The following THRB variants were observed in gnomAD, a reference collection of about 807,000 sequenced individuals.
THRB encodes the protein nuclear receptor subfamily 1 group A member 2.
A neutral mutation model predicts 47.8 loss-of-function variants in THRB; 12 were observed. The observed-to-expected ratio is 0.25, with a 90% CI of 0.16 to 0.41. The LOEUF is 0.41. Among genes scored for constraint, THRB ranks in the 10% least tolerant of loss-of-function variants. THRB has a pLI of 1.00. For missense variants in THRB, 348 were observed against 589.2 expected, an observed-to-expected ratio of 0.59 and a Z score of 4.24; for synonymous variants, 218 against 212.2, an observed-to-expected ratio of 1.03 and a Z score of -0.24.
At chr3:24,226,071 A>G (rs567872305) in intron 4 of THRB, among the ~76,000 whole-genome samples, 12 of 152,336 alleles carry the variant, frequency 7.9e-5, no homozygotes, top group African/African-American at 2.9e-4. Context: ...TACAAAAAAC[A>G]TGCCTCATTT....
At chr3:24,286,010 GTGAAGA>G (rs1451888125) in intron 3 of THRB, among the ~76,000 whole-genome samples, 1 of 152,166 alleles carries the variant, frequency 6.6e-6, no homozygotes, top group South Asian at 2.1e-4. Flanking sequence ...GTGCCCTTAT[GTGAAGA>G]TGAAGATGGA....
At chr3:24,441,894 G>GA (rs144295951) in intron 1 of THRB, among the ~76,000 whole-genome samples, 3,982 of 151,986 alleles carry the variant, frequency 0.026, 180 homozygotes, top group African/African-American at 0.09. Flanking sequence ...GCTCCCCCAA[G>GA]AAAAAAATCT....
chr3:24,456,800 A>G (rs1475368843), intron 1 of THRB, among the ~76,000 whole-genome samples: 1 of 152,032 alleles, frequency 6.6e-6, no homozygotes, highest in East Asian at 1.9e-4. Context: ...ACTTACTAAT[A>G]ATTCTCTTTC....
chr3:24,213,837 A>T (rs2046303098), intron 4 of THRB, among the ~76,000 whole-genome samples: 1 of 152,188 alleles, frequency 6.6e-6, no homozygotes, highest in Non-Finnish European at 1.5e-5. Context: ...GGGAATGTGA[A>T]ATGTGTCCTC....
chr3:24,190,579 C>T (rs754653335), intron 4 of THRB, among the ~76,000 whole-genome samples: 1 of 152,070 alleles, frequency 6.6e-6, no homozygotes, highest in Non-Finnish European at 1.5e-5. Flanking sequence ...GACATTAGTT[C>T]CTGCATGGCA....
intron 1 of THRB, among the ~76,000 whole-genome samples, chr3:24,376,871 C>A (rs1577187221): frequency 6.6e-6 from 1 of 152,144 alleles, no homozygotes. Flanking sequence ...AAAATTACTA[C>A]ATATGTGATC....
intron 1 of THRB, among the ~76,000 whole-genome samples, chr3:24,493,714 T>C (rs924204497): frequency 3.9e-5 from 6 of 152,338 alleles, no homozygotes; most frequent in South Asian, 4.1e-4. Flanking sequence ...TCTAGATCCT[T>C]CTTTTAAAAT....
chr3:24,338,474 G>A (rs897317322), intron 1 of THRB, among the ~76,000 whole-genome samples: 5 of 152,164 alleles, frequency 3.3e-5, no homozygotes, highest in Admixed American at 6.5e-5. Context: ...ATGGATGTGG[G>A]CTTGAACCAC....
intron 4 of THRB, among the ~76,000 whole-genome samples, chr3:24,211,392 C>T (rs1471507409): frequency 6.6e-6 from 1 of 152,150 alleles, no homozygotes; most frequent in African/African-American, 2.4e-5. Flanking sequence ...AGGAAACTTC[C>T]TGTTCCCTCA....
chr3:24,273,917 G>A (rs1050594442), intron 3 of THRB, among the ~76,000 whole-genome samples: 2 of 151,590 alleles, frequency 1.3e-5, no homozygotes, highest in African/African-American at 4.9e-5. Flanking sequence ...TTCTCAGAAA[G>A]GCCTATCCTT....
chr3:24,212,287 A>G (rs572201836), intron 4 of THRB, among the ~76,000 whole-genome samples: 2 of 152,246 alleles, frequency 1.3e-5, no homozygotes, highest in South Asian at 4.1e-4. Flanking sequence ...AATCCTAGCT[A>G]CTTGGGAGGC....
At position 24,122,958 on chromosome 3, in the gene THRB, G is replaced by A. The variant is rs367757240; in HGVS notation, c.1312C>T (p.Arg438Cys). 4 of 1,614,070 alleles carry A rather than the reference G, an allele frequency of 2.5e-6. No individual in the cohort carries two copies. Among genetic ancestry groups the A allele is most frequent in the Non-Finnish European group, 3.4e-6 (4 of 1,180,052 alleles). Reference protein sequence around the residue: ...LRMIGACHASRFLHMKVECPT... With the variant: ...LRMIGACHASCFLHMKVECPT... ...CATTCCACCTTCATGTGCAGGAAGC[G>A]GCTGGCATGGCAGGCTCCTATCATC... Residue 438 changes from arginine (R) to cysteine (C), a missense_variant, in exon 11 of 11, where the codon CGC (arginine) becomes TGC (cysteine). By Grantham distance (180) the Arg-to-Cys change is radical (BLOSUM62 -3). Coordinates refer to ENST00000646209, the MANE Select transcript of THRB (RefSeq NM_001354712.2).
chr3:24,241,403 C>A (rs905869618), intron 3 of THRB, among the ~76,000 whole-genome samples: 19 of 152,184 alleles, frequency 1.2e-4, no homozygotes, highest in African/African-American at 4.3e-4. Flanking sequence ...AGACAGGTCA[C>A]CCTACTGTCC....
intron 3 of THRB, among the ~76,000 whole-genome samples, chr3:24,239,096 C>A (rs1038136030): frequency 1.3e-5 from 2 of 152,120 alleles, no homozygotes; most frequent in African/African-American, 4.8e-5. Flanking sequence ...CACAAGCCAC[C>A]ATGCCTGGCT....
chr3:24,205,828 A>C (rs1376913724), intron 4 of THRB, among the ~76,000 whole-genome samples: 1 of 152,218 alleles, frequency 6.6e-6, no homozygotes, highest in Non-Finnish European at 1.5e-5. Context: ...AATGGAAAAC[A>C]AAAAAAGGCA....
rs551631604 is a variant in THRB at position 24,364,224 on chromosome 3, G to A, written c.-260-26853C>T. On this transcript the variant is annotated intron_variant, in intron 1 of 10. Coordinates refer to ENST00000646209, the MANE Select transcript of THRB (RefSeq NM_001354712.2). ...GGGTAGCTTTGGAAATGGCATCAGAGGAGCATGAGCAAAATGTAAACAGAG... is the reference window on the plus strand; with the variant it reads ...GGGTAGCTTTGGAAATGGCATCAGAAGAGCATGAGCAAAATGTAAACAGAG... 3.9e-5 allele frequency among the ~76,000 whole-genome samples: 6 copies of A among 152,232 alleles called. No homozygotes were observed. The South Asian group carries it at 1.2e-3, about 32-fold the overall frequency.
intron 9 of THRB, among the ~76,000 whole-genome samples, chr3:24,128,341 G>C (rs1246040975): frequency 2.6e-5 from 4 of 152,184 alleles, no homozygotes; most frequent in South Asian, 2.1e-4. Flanking sequence ...TGAAGGCAGA[G>C]GGGAGAGCAG....
chr3:24,463,720 T>TA (rs1370626654), intron 1 of THRB, among the ~76,000 whole-genome samples: 3 of 152,346 alleles, frequency 2.0e-5, no homozygotes, highest in Non-Finnish European at 2.9e-5. Context: ...GATTTGGACT[T>TA]AGAGTCTCAT....
At chr3:24,196,213 T>A (rs1026413522) in intron 4 of THRB, among the ~76,000 whole-genome samples, 3 of 152,136 alleles carry the variant, frequency 2.0e-5, no homozygotes, top group Admixed American at 6.6e-5. Flanking sequence ...CTTCTATAGT[T>A]CAGTTAAAGT....
Sources: allele counts gnomAD v4.1 joint callset (sites outside exome capture counted in the v4.1 genomes callset), GRCh38; gene constraint gnomAD v4.1.1; transcripts MANE v1.5; gene names NCBI Gene and HGNC (gene_info 2026-07-23, HGNC 2026-07-21).